ERMP1: variants seen among roughly 807,000 people sequenced by gnomAD.
ERMP1 encodes the protein endoplasmic reticulum metallopeptidase 1, also known as Felix-ina.
Under a neutral mutation model 92.0 loss-of-function variants are expected in ERMP1, and 86 were observed. The observed-to-expected ratio is 0.93, with a 90% CI of 0.79 to 1.12. The LOEUF (loss-of-function observed/expected upper bound fraction) is 1.12, where lower values mean the gene tolerates loss of function less well. Ranked by LOEUF, ERMP1 falls within the 50% of genes most tolerant of loss-of-function variation. The pLI, the probability that ERMP1 is intolerant of heterozygous loss-of-function variation, is 0.00. For synonymous variants in ERMP1, 530 were observed against 412.8 expected (o/e 1.28, Z -3.44); for missense variants, 1,342 against 1,116.3 (o/e 1.20, Z -2.88).
In ERMP1 at chr9:5,843,253, T is replaced by C. The variant is rs567430714; in HGVS notation, n.3200-9941A>G. Among the ~76,000 whole-genome samples the C allele has an allele frequency of 3.5e-4, 54 of 152,228 alleles. 1 individual carries two copies. The highest frequency in any genetic ancestry group is 1.3e-3 in the African/African-American group (53 of 41,458). ...AACAGTAACCATAGCTCTGCGGAAT[T>C]TGGGGCTCAGCACAGCCAAATCTGC... On this transcript the variant is annotated intron_variant and non_coding_transcript_variant, in intron 6 of 6. Transcript: ENST00000690753.
rs982121624 is a variant in ERMP1 at position 5,801,047 on chromosome 9, C to CA, written c.2067+128dup. On this transcript the variant is annotated intron_variant, in intron 11 of 14. Transcript: ENST00000339450. ...AGTCTTCTCCTCACTGCCTTACACA[C>CA]AAAAAAGGTGAGTATGACTAAATAG... is the stretch of plus-strand genomic sequence containing the variant. 14 of 876,878 alleles carry CA rather than the reference C, an allele frequency of 1.6e-5. No individual in the cohort carries two copies. The African/African-American group carries it at 2.2e-4, about 14-fold the overall frequency. 54.3% of individuals were successfully genotyped at this position (876,878 alleles called of 1,614,324 possible). A position where few individuals can be genotyped will look rare whatever the true frequency, so the allele number is the denominator to read the frequency against.
At chr9:5,830,468 C>T (rs1224487553) in intron 2 of ERMP1, among the ~76,000 whole-genome samples, 1 of 152,168 alleles carries the variant, frequency 6.6e-6, no homozygotes, top group Non-Finnish European at 1.5e-5. Context: ...CTGCTTCAGT[C>T]TACCAGAAAC....
rs541300646 is a variant in ERMP1 at position 5,809,317 on chromosome 9, G to A, written c.1548+694C>T. The stretch of plus-strand genomic sequence containing the variant: ...TTACAGGCGTGAGCCACCGCGCCCG[G>A]CCAGCCCTAATTTCTAATTTTATTT... On this transcript the variant is annotated intron_variant, in intron 8 of 14. Transcript: ENST00000339450. Among the ~76,000 whole-genome samples, 74 of 152,328 alleles carry A rather than the reference G, an allele frequency of 4.9e-4. No individual in the cohort carries two copies. The Middle Eastern group carries it at 0.01, about 21-fold the overall frequency.
At chr9:5,805,244 C>G (rs1432141545) in intron 9 of ERMP1, 27 bp from the exon 10 acceptor site, 1 of 1,549,812 alleles carries the variant, frequency 6.5e-7, no homozygotes, top group Non-Finnish European at 8.8e-7. Context: ...AAAAAGCACA[C>G]ATCTATGAAA....
upstream of ERMP1, among the ~76,000 whole-genome samples, chr9:5,834,693 G>A (rs1830061641): frequency 7.9e-6 from 1 of 126,360 alleles, no homozygotes; most frequent in Admixed American, 8.4e-5. Context: ...ATAACTATAT[G>A]TATGTATATA....
intron 11 of ERMP1, 39 bp from the exon 12 acceptor site, chr9:5,799,047 G>C: frequency 6.8e-7 from 1 of 1,467,548 alleles, no homozygotes; most frequent in Non-Finnish European, 9.5e-7. Context: ...GTTTCAACTA[G>C]TACACCCACA....
At chr9:5,805,882 C>T (rs936691578) in intron 8 of ERMP1, 97 bp from the exon 9 acceptor site, 3 of 975,066 alleles carry the variant, frequency 3.1e-6, no homozygotes, top group Non-Finnish European at 2.9e-6. Flanking sequence ...AGGAAAGCTA[C>T]ATTTTGTTTT....
intron 6 of ERMP1, among the ~76,000 whole-genome samples, chr9:5,844,924 T>C (rs531845199): frequency 4.6e-5 from 7 of 152,338 alleles, no homozygotes; most frequent in Non-Finnish European, 8.8e-5. Context: ...GCTTTGAGCA[T>C]GTCAGCCTTG....
In ERMP1 at chr9:5,833,010, C is replaced by T. The variant is rs756748361; in HGVS notation, c.18G>A (p.Glu6=). MEWGS[E]SAAVRRHRVG... ...CGCGGTGCCGCCTCACAGCAGCCGA[C>T]TCAGAACCCCACTCCATGGCCACGA... Residue 6 remains glutamate (E), a synonymous_variant, in exon 1 of 15, where the codon GAG becomes GAA. Transcript: ENST00000339450. The T allele has an allele frequency of 2.6e-6, 4 of 1,550,250 alleles. No homozygotes were observed. The highest frequency in any genetic ancestry group is 5.1e-5 in the East Asian group (2 of 39,486).
intron 4 of ERMP1, among the ~76,000 whole-genome samples, chr9:5,815,789 G>A (rs1446882685): frequency 1.3e-5 from 2 of 152,066 alleles, no homozygotes; most frequent in Non-Finnish European, 2.9e-5. Flanking sequence ...CGATGAAAAT[G>A]TAGTATCATT....
intron 5 of ERMP1, 147 bp from the exon 6 acceptor site, chr9:5,812,364 A>C (rs1314459892): frequency 3.4e-6 from 2 of 586,812 alleles, no homozygotes; most frequent in Non-Finnish European, 6.0e-6. Flanking sequence ...ACTGATATAA[A>C]TTCTCTTCCA....
chr9:5,825,739 T>C (rs1308529241), intron 2 of ERMP1, among the ~76,000 whole-genome samples: 1 of 152,180 alleles, frequency 6.6e-6, no homozygotes, highest in African/African-American at 2.4e-5. Context: ...AAGGGGATTA[T>C]GTGATGGAAA....
At chr9:5,857,264 C>T (rs1341906274) in intron 6 of ERMP1, among the ~76,000 whole-genome samples, 1 of 152,144 alleles carries the variant, frequency 6.6e-6, no homozygotes, top group Admixed American at 6.5e-5. Context: ...TCAAGGGATC[C>T]TCCTGCCTTG....
intron 7 of ERMP1, 61 bp from the exon 8 acceptor site, chr9:5,810,292 G>A (rs949975710): frequency 7.2e-6 from 9 of 1,251,198 alleles, no homozygotes; most frequent in South Asian, 1.2e-5. Flanking sequence ...TATATAACCA[G>A]TCAGTAGAGC....
intron 11 of ERMP1, among the ~76,000 whole-genome samples, chr9:5,800,442 G>A (rs191948116): frequency 5.3e-5 from 8 of 152,100 alleles, no homozygotes; most frequent in Non-Finnish European, 1.0e-4. Flanking sequence ...TTGGGAGGCC[G>A]AGGTGGGTGG....
At chr9:5,797,725 T>G in intron 13 of ERMP1, 92 bp downstream of exon 13, 1 of 762,036 alleles carries the variant, frequency 1.3e-6, no homozygotes, top group East Asian at 2.5e-5. Flanking sequence ...AGTTGCTGGT[T>G]CCTGTGATAT....
intron 13 of ERMP1, among the ~76,000 whole-genome samples, chr9:5,789,193 C>T (rs1278519198): frequency 1.3e-5 from 2 of 151,784 alleles, no homozygotes; most frequent in South Asian, 2.1e-4. Flanking sequence ...AATATTAACA[C>T]AGAACAAACA....
chr9:5,847,794 C>G (rs1045710620), intron 6 of ERMP1, among the ~76,000 whole-genome samples: 24 of 151,720 alleles, frequency 1.6e-4, no homozygotes, highest in Non-Finnish European at 1.9e-4. Flanking sequence ...ACTCGGGAGG[C>G]TGAGGCAGGA....
intron 10 of ERMP1, among the ~76,000 whole-genome samples, chr9:5,803,849 C>A (rs754569620): frequency 2.0e-5 from 3 of 152,026 alleles, no homozygotes; most frequent in Non-Finnish European, 4.4e-5. Context: ...AATAATTATC[C>A]TATAAGTAAA....
Sources: allele counts gnomAD v4.1 joint callset (sites outside exome capture counted in the v4.1 genomes callset), GRCh38; gene constraint gnomAD v4.1.1; transcripts MANE v1.5; gene names NCBI Gene and HGNC (gene_info 2026-07-23, HGNC 2026-07-21).